Variants in ARIH2 observed in about 807,000 individuals in gnomAD.
The protein encoded by ARIH2 is ariadne RBR E3 ubiquitin protein ligase 2.
In ARIH2, 12 loss-of-function variants were observed where a neutral mutation model predicts 79.8. The ratio of observed to expected loss-of-function variants is 0.15; its 90% CI spans 0.10 to 0.24. The LOEUF is 0.24. ARIH2 is among the 10% of genes least tolerant of loss of function. The pLI, the probability that ARIH2 is intolerant of heterozygous loss-of-function variation, is 1.00. For missense variants in ARIH2, 301 were observed against 618.3 expected (o/e 0.49, Z 5.44); for synonymous variants, 224 against 213.9 (o/e 1.05, Z -0.41).
chr3:48,940,993 C>A (rs1318626155), intron 3 of ARIH2, among the ~76,000 whole-genome samples: 1 of 150,476 alleles, frequency 6.6e-6, no homozygotes, highest in Non-Finnish European at 1.5e-5. Context: ...CATGGTGAAA[C>A]CCCGTCTCTA....
chr3:48,940,046 A>C (rs899286363), intron 3 of ARIH2, among the ~76,000 whole-genome samples: 2 of 151,696 alleles, frequency 1.3e-5, no homozygotes, highest in African/African-American at 2.4e-5. Context: ...CTCTACTAAA[A>C]ATACAAAAAA....
chr3:48,976,205 C>G (rs974070127), intron 11 of ARIH2, among the ~76,000 whole-genome samples: 4 of 151,124 alleles, frequency 2.6e-5, no homozygotes, highest in African/African-American at 9.7e-5. Flanking sequence ...AGCCACCGAG[C>G]CTGTACTTTT....
Position 48,983,382 on chromosome 3 carries a change from C to G in ARIH2, c.*112C>G, listed in dbSNP as rs1429890797. On this transcript the variant is annotated 3_prime_UTR_variant, in exon 16 of 16. Transcript: ENST00000356401. ...ATGACCCCAGGCAACAGCCAGGGCC[C>G]CACTCCTGAGAGACACTGGCAACAC... The G allele has an allele frequency of 9.9e-7, 1 of 1,011,624 alleles. No homozygotes were observed. Among genetic ancestry groups the G allele is most frequent in the Non-Finnish European group, 1.5e-6 (1 of 646,652 alleles). 62.7% of individuals were successfully genotyped at this position (1,011,624 alleles called of 1,614,324 possible).
At chr3:48,953,535 C>T (rs1203483698) in intron 3 of ARIH2, among the ~76,000 whole-genome samples, 2 of 152,136 alleles carry the variant, frequency 1.3e-5, no homozygotes, top group African/African-American at 4.8e-5. Context: ...TCCTGAGTAG[C>T]TGGAACTACA....
At chr3:48,919,073 G>T in intron 1 of ARIH2, 75 bp downstream of exon 1, 1 of 1,304,820 alleles carries the variant, frequency 7.7e-7, no homozygotes, top group Non-Finnish European at 9.7e-7. Flanking sequence ...GCGCCTCCCT[G>T]GCCGGGCCGG....
intron 4 of ARIH2, among the ~76,000 whole-genome samples, chr3:48,962,747 A>T (rs892875799): frequency 1.3e-5 from 2 of 152,184 alleles, no homozygotes; most frequent in African/African-American, 4.8e-5. Flanking sequence ...GGCAATCAAA[A>T]TGTCTCCAAA....
chr3:48,954,402 A>T (rs1576362410), intron 3 of ARIH2, among the ~76,000 whole-genome samples: 1 of 151,594 alleles, frequency 6.6e-6, no homozygotes, highest in South Asian at 2.1e-4. Context: ...GCACTACTGC[A>T]CTCCAGTCGG....
chr3:48,943,567 G>A (rs2088659141), intron 3 of ARIH2: 1 of 151,924 alleles, frequency 6.6e-6, no homozygotes, highest in Admixed American at 6.6e-5. Context: ...TGGCAGAGAA[G>A]GAATCCGTCA....
At chr3:48,981,037 A>AG (rs2092727171) in intron 13 of ARIH2, among the ~76,000 whole-genome samples, 1 of 149,454 alleles carries the variant, frequency 6.7e-6, no homozygotes, top group Non-Finnish European at 1.5e-5. Flanking sequence ...AAAAAAAAAA[A>AG]AAAAAGATTG....
At chr3:48,980,312 A>G (rs201586270) in intron 12 of ARIH2, 41 bp from the exon 13 acceptor site, 135 of 1,604,144 alleles carry the variant, frequency 8.4e-5, no homozygotes, top group Non-Finnish European at 1.1e-4. Flanking sequence ...CTGCACCTTC[A>G]TGGGACTCCT....
chr3:48,927,921 A>T, intron 3 of ARIH2, 108 bp downstream of exon 3: 1 of 1,354,092 alleles, frequency 7.4e-7, no homozygotes, highest in Non-Finnish European at 1.0e-6. Context: ...TGTAGCTTGA[A>T]ACCAAATTTA....
chr3:48,941,747 C>A (rs1193499857), intron 3 of ARIH2, among the ~76,000 whole-genome samples: 3 of 151,906 alleles, frequency 2.0e-5, no homozygotes, highest in Admixed American at 2.0e-4. Flanking sequence ...TGCCTGCCAC[C>A]ACGCCCGGCT....
chr3:48,978,483 A>ATATTT (rs1288556209), intron 11 of ARIH2, among the ~76,000 whole-genome samples: 4 of 40,460 alleles, frequency 9.9e-5, no homozygotes, highest in African/African-American at 1.7e-4. Context: ...ATATATATAT[A>ATATTT]TTTTTTTTTT....
At chr3:48,938,028 C>T (rs2087429253) in intron 3 of ARIH2, among the ~76,000 whole-genome samples, 1 of 124,866 alleles carries the variant, frequency 8.0e-6, no homozygotes, top group Non-Finnish European at 1.6e-5. Context: ...GCCTGGGCGA[C>T]AGAGCCAGAC....
chr3:48,925,907 A>T (rs951310781), intron 2 of ARIH2, among the ~76,000 whole-genome samples: 2 of 151,962 alleles, frequency 1.3e-5, no homozygotes, highest in African/African-American at 4.8e-5. Flanking sequence ...TTTAGTAGAG[A>T]TGGGGTTTCA....
intron 4 of ARIH2, among the ~76,000 whole-genome samples, chr3:48,963,191 G>A (rs1463687678): frequency 6.6e-6 from 1 of 152,160 alleles, no homozygotes; most frequent in Non-Finnish European, 1.5e-5. Context: ...CTCATCCTGT[G>A]TACTCAAGAA....
At chr3:48,928,804 C>G (rs556627284) in intron 3 of ARIH2, among the ~76,000 whole-genome samples, 1 of 151,374 alleles carries the variant, frequency 6.6e-6, no homozygotes, top group South Asian at 2.1e-4. Context: ...TTATTAGCAA[C>G]TGGCTGGAAG....
chr3:48,934,765 T>G (rs1169469301), intron 3 of ARIH2: 7 of 985,312 alleles, frequency 7.1e-6, no homozygotes, highest in African/African-American at 1.7e-5. Context: ...AAAGATGTCC[T>G]TGTCTTGCCA....
intron 14 of ARIH2, 101 bp from the exon 15 acceptor site, chr3:48,982,795 T>G: frequency 1.2e-6 from 1 of 813,360 alleles, no homozygotes. Context: ...TTGTCTGTAG[T>G]TCCTGTGAGC....
Sources: gnomAD v4.1 joint callset for allele counts (sites outside exome capture counted in the v4.1 genomes callset) on GRCh38, gnomAD v4.1.1 for gene constraint, MANE v1.5 for transcripts, NCBI Gene and HGNC (gene_info 2026-07-23, HGNC 2026-07-21) for gene names.